MBNL1: variants seen among roughly 807,000 people sequenced by gnomAD.
The protein encoded by MBNL1 is muscleblind like splicing regulator 1, also known as muscleblind-like protein 1.
A neutral mutation model predicts 42.2 loss-of-function variants in MBNL1; 8 were observed. The ratio of observed to expected loss-of-function variants is 0.19; its 90% CI spans 0.11 to 0.34. The LOEUF (loss-of-function observed/expected upper bound fraction) is 0.34. MBNL1 is among the 10% of genes least tolerant of loss of function. The pLI, the probability that MBNL1 is intolerant of heterozygous loss-of-function variation, is 1.00. For missense variants in MBNL1, 309 were observed against 495.3 expected, an observed-to-expected ratio of 0.62 and a Z score of 3.57; for synonymous variants, 169 against 173.9, an observed-to-expected ratio of 0.97 and a Z score of 0.22.
intron 3 of MBNL1, among the ~76,000 whole-genome samples, chr3:152,427,723 T>C (rs976382347): frequency 6.6e-6 from 1 of 151,342 alleles, no homozygotes; most frequent in African/African-American, 2.4e-5. Context: ...TAAAAAAAAT[T>C]TTTTTATATT....
chr3:152,284,071 T>C lies in MBNL1; in HGVS notation c.-790+14979T>C, dbSNP rs193255929. Among the ~76,000 whole-genome samples, 3 of 152,258 alleles carry C rather than the reference T, an allele frequency of 2.0e-5. No individual in the cohort carries two copies. The East Asian group carries it at 5.8e-4, about 29-fold the overall frequency. On this transcript the variant is annotated intron_variant, in intron 1 of 9. Transcript: ENST00000324210. Reference sequence around the variant, plus strand: ...TGGATCCAAGTATTCTCGCTATATCTAGGCTACATATAAAAGGTGGTCAAT... The same window carrying C: ...TGGATCCAAGTATTCTCGCTATATCCAGGCTACATATAAAAGGTGGTCAAT...
chr3:152,405,473 A>G (rs1234559187), intron 2 of MBNL1, among the ~76,000 whole-genome samples: 2 of 152,238 alleles, frequency 1.3e-5, no homozygotes, highest in Non-Finnish European at 2.9e-5. Flanking sequence ...GTGTTATAAT[A>G]AAAATATACC....
intron 2 of MBNL1, among the ~76,000 whole-genome samples, chr3:152,261,141 T>G (rs1450460970): frequency 6.6e-6 from 1 of 152,150 alleles, no homozygotes. Context: ...TGAAATCATC[T>G]AAGGGGCTTA....
In MBNL1 at chr3:152,463,604, C is replaced by G. The variant is rs953858985; in HGVS notation, c.*1238C>G. On this transcript the variant is annotated 3_prime_UTR_variant, in exon 10 of 10. Transcript: ENST00000324210. ...ACCTAGTAATTGGGTGGGTTAAGTA[C>G]ATGGGTGAATTTTATATGTGATTTT... The G allele has an allele frequency of 1.3e-5, 2 of 152,272 alleles. No individual in the cohort carries two copies. The highest frequency in any genetic ancestry group is 1.3e-4 in the Admixed American group (2 of 15,246). The allele number at this position is 152,272 out of a possible 1,614,324, so 9.4% of individuals were successfully genotyped here. A position where few individuals can be genotyped will look rare whatever the true frequency, so the allele number is the denominator to read the frequency against.
intron 2 of MBNL1, among the ~76,000 whole-genome samples, chr3:152,375,899 C>G (rs977080382): frequency 6.6e-6 from 1 of 151,782 alleles, no homozygotes; most frequent in African/African-American, 2.4e-5. Flanking sequence ...TGGTTTAATA[C>G]TGTTGTTTAA....
At chr3:152,271,560 C>T (rs920862303) in intron 1 of MBNL1, among the ~76,000 whole-genome samples, 2 of 152,204 alleles carry the variant, frequency 1.3e-5, no homozygotes, top group Non-Finnish European at 2.9e-5. Flanking sequence ...GATTAGAGAA[C>T]ATCTCAGGTC....
At chr3:152,348,585 GGAATCAGGA>G in intron 2 of MBNL1, among the ~76,000 whole-genome samples, 1 of 151,950 alleles carries the variant, frequency 6.6e-6, no homozygotes, top group Admixed American at 6.6e-5. Context: ...AGAGCTTTTG[GGAATCAGGA>G]GATGAGAAAA....
At chr3:152,434,613 A>G (rs535556370) in intron 4 of MBNL1, among the ~76,000 whole-genome samples, 2 of 152,310 alleles carry the variant, frequency 1.3e-5, no homozygotes, top group East Asian at 3.9e-4. Flanking sequence ...TAGGTCTTTG[A>G]GGAATTGCCA....
In MBNL1 at chr3:152,335,289, C is replaced by T. The variant is rs1006432508; in HGVS notation, c.174+34922C>T. The T allele has an allele frequency of 8.6e-6, 11 of 1,283,786 alleles. No homozygotes were observed. The African/African-American group carries it at 1.7e-4, about 20-fold the overall frequency. The allele number at this position is 1,283,786 out of a possible 1,614,324, so 79.5% of individuals were successfully genotyped here. ...CTAAGATACCATTTGGGTAGGCCTG[C>T]TCGCTCAAGGCCTGAGATGACATCC... On this transcript the variant is annotated intron_variant, in intron 2 of 9. Transcript: ENST00000324210.
At chr3:152,287,075 G>A (rs1334617781) in intron 1 of MBNL1, among the ~76,000 whole-genome samples, 2 of 151,990 alleles carry the variant, frequency 1.3e-5, no homozygotes, top group Admixed American at 6.6e-5. Flanking sequence ...AAAAGTAGCC[G>A]GGTGTGGTGG....
intron 1 of MBNL1, among the ~76,000 whole-genome samples, chr3:152,288,830 G>A (rs2054158507): frequency 6.6e-6 from 1 of 152,170 alleles, no homozygotes; most frequent in African/African-American, 2.4e-5. Flanking sequence ...ATGTTTTGAT[G>A]CAACAGGAGT....
intron 2 of MBNL1, among the ~76,000 whole-genome samples, chr3:152,359,792 G>A (rs2095805394): frequency 6.6e-6 from 1 of 152,168 alleles, no homozygotes; most frequent in Admixed American, 6.5e-5. Flanking sequence ...AAATTCCTCA[G>A]TGATTCATAG....
intron 2 of MBNL1, among the ~76,000 whole-genome samples, chr3:152,328,466 C>G (rs1363306661): frequency 1.3e-5 from 2 of 152,066 alleles, no homozygotes; most frequent in Non-Finnish European, 2.9e-5. Flanking sequence ...AAAGCAGAAA[C>G]TCAGCTTTTA....
intron 1 of MBNL1, among the ~76,000 whole-genome samples, chr3:152,282,483 A>C (rs2049067538): frequency 6.6e-6 from 1 of 152,090 alleles, no homozygotes; most frequent in Non-Finnish European, 1.5e-5. Context: ...TGTTACATTC[A>C]CCTAATATTA....
intron 2 of MBNL1, chr3:152,335,368 C>T (rs1387847535): frequency 1.0e-5 from 8 of 786,164 alleles, no homozygotes; most frequent in South Asian, 1.4e-5. Flanking sequence ...AGAGAGGAAC[C>T]GTGGTTTTCA....
chr3:152,274,766 C>G (rs1298610906), intron 1 of MBNL1, among the ~76,000 whole-genome samples: 2 of 151,780 alleles, frequency 1.3e-5, no homozygotes, highest in East Asian at 3.9e-4. Flanking sequence ...ATGTCCTATA[C>G]TAGATTATTG....
chr3:152,443,194 A>T (rs1012629994), intron 4 of MBNL1, among the ~76,000 whole-genome samples: 1 of 133,230 alleles, frequency 7.5e-6, no homozygotes, highest in Non-Finnish European at 1.6e-5. Context: ...CCCCCCCCAC[A>T]CACACACACA....
chr3:152,350,853 C>T (rs761243345), intron 2 of MBNL1, among the ~76,000 whole-genome samples: 13 of 152,038 alleles, frequency 8.6e-5, no homozygotes, highest in Non-Finnish European at 1.2e-4. Context: ...AGACCCATCT[C>T]GATAGAATTT....
intron 2 of MBNL1, among the ~76,000 whole-genome samples, chr3:152,381,367 AAAAC>A (rs893910923): frequency 2.6e-5 from 4 of 152,014 alleles, no homozygotes; most frequent in African/African-American, 4.8e-5. Flanking sequence ...TTACTTGCTA[AAAAC>A]AAACAAACAA....
Sources: allele counts gnomAD v4.1 joint callset (sites outside exome capture counted in the v4.1 genomes callset), GRCh38; gene constraint gnomAD v4.1.1; transcripts MANE v1.5; gene names NCBI Gene and HGNC (gene_info 2026-07-23, HGNC 2026-07-21).